The following ADCY5 variants were observed in gnomAD, a reference collection of about 807,000 sequenced individuals.
The protein encoded by ADCY5 is adenylate cyclase 5.
A neutral mutation model predicts 119.7 loss-of-function variants in ADCY5; 30 were observed. That is an observed-to-expected ratio of 0.25 (90% CI 0.19 to 0.34). The LOEUF (loss-of-function observed/expected upper bound fraction) is 0.34. ADCY5 is among the 10% of genes least tolerant of loss of function. The probability of loss-of-function intolerance (pLI) is 1.00; values close to 1 mark genes in which losing one functional copy is unlikely to be tolerated. For synonymous variants in ADCY5, 753 were observed against 762.2 expected (o/e 0.99, Z 0.20); for missense variants, 1,324 against 1,775.2 (o/e 0.75, Z 4.57).
chr3:123,411,895 G>A (rs1041640433), intron 1 of ADCY5, among the ~76,000 whole-genome samples: 1 of 152,120 alleles, frequency 6.6e-6, no homozygotes, highest in Non-Finnish European at 1.5e-5. Context: ...CCCATCCCCT[G>A]CCCCCGCATA....
At chr3:123,351,575 A>C (rs1942838168) in intron 2 of ADCY5, among the ~76,000 whole-genome samples, 1 of 152,120 alleles carries the variant, frequency 6.6e-6, no homozygotes, top group East Asian at 1.9e-4. Context: ...CACAGGAGCT[A>C]GTGGGAGCCC....
chr3:123,320,090 A>G (rs1941140900), intron 9 of ADCY5, among the ~76,000 whole-genome samples: 1 of 152,206 alleles, frequency 6.6e-6, no homozygotes, highest in Non-Finnish European at 1.5e-5. Flanking sequence ...AACATATTAT[A>G]TTAGCATAAC....
intron 12 of ADCY5, among the ~76,000 whole-genome samples, chr3:123,308,784 G>A (rs549327475): frequency 3.9e-5 from 6 of 152,236 alleles, no homozygotes; most frequent in South Asian, 2.1e-4. Flanking sequence ...AGCCGAGATC[G>A]TGCCACTGCA....
intron 1 of ADCY5, among the ~76,000 whole-genome samples, chr3:123,354,357 G>A (rs997649814): frequency 6.6e-6 from 1 of 152,188 alleles, no homozygotes; most frequent in African/African-American, 2.4e-5. Flanking sequence ...CCCAAAGCAT[G>A]AGGGAACAAA....
intron 1 of ADCY5, among the ~76,000 whole-genome samples, chr3:123,358,078 G>A (rs895894593): frequency 2.0e-5 from 3 of 152,156 alleles, no homozygotes; most frequent in Non-Finnish European, 4.4e-5. Context: ...CACAACAGCA[G>A]GTAAACAGGG....
chr3:123,446,911 T>C (rs1945826454), intron 1 of ADCY5, among the ~76,000 whole-genome samples: 2 of 152,160 alleles, frequency 1.3e-5, no homozygotes, highest in Non-Finnish European at 2.9e-5. Flanking sequence ...TCCCCAGCCT[T>C]AGACAGGTGG....
intron 1 of ADCY5, among the ~76,000 whole-genome samples, chr3:123,375,526 C>G (rs1289619814): frequency 1.3e-5 from 2 of 152,238 alleles, no homozygotes; most frequent in Non-Finnish European, 2.9e-5. Context: ...TCCCAGTTCT[C>G]AGAGCAATCT....
At chr3:123,292,918 G>A (rs1158270349) in intron 17 of ADCY5, among the ~76,000 whole-genome samples, 1 of 152,168 alleles carries the variant, frequency 6.6e-6, no homozygotes, top group Non-Finnish European at 1.5e-5. Context: ...GACAGCATCA[G>A]CCCAAAGTGT....
chr3:123,366,632 G>A (rs530007976), intron 1 of ADCY5, among the ~76,000 whole-genome samples: 18 of 152,184 alleles, frequency 1.2e-4, no homozygotes, highest in African/African-American at 3.6e-4. Context: ...TACACACCAC[G>A]AAACTTGGGG....
intron 1 of ADCY5, among the ~76,000 whole-genome samples, chr3:123,408,920 A>G (rs921171073): frequency 1.3e-5 from 2 of 152,098 alleles, no homozygotes; most frequent in African/African-American, 4.8e-5. Context: ...GGTTGCAGTG[A>G]GCCGAGGTCC....
chr3:123,328,613 G>A (rs1290457293), intron 6 of ADCY5, 31 bp downstream of exon 6: 1 of 1,610,388 alleles, frequency 6.2e-7, no homozygotes, highest in East Asian at 2.2e-5. Context: ...ACCCAGGTCG[G>A]GGCCCCAAGC....
At chr3:123,432,003 C>T (rs928155336) in intron 1 of ADCY5, among the ~76,000 whole-genome samples, 3 of 152,130 alleles carry the variant, frequency 2.0e-5, no homozygotes, top group Admixed American at 6.5e-5. Context: ...ACCTGGGCAC[C>T]GGGATTAGGT....
At chr3:123,339,119 C>T (rs1942159743) in intron 3 of ADCY5, among the ~76,000 whole-genome samples, 1 of 152,160 alleles carries the variant, frequency 6.6e-6, no homozygotes, top group East Asian at 1.9e-4. Flanking sequence ...GCTGAAGGTG[C>T]CGGGGAAGTA....
intron 1 of ADCY5, among the ~76,000 whole-genome samples, chr3:123,431,998 G>A (rs1945532186): frequency 6.6e-6 from 1 of 152,090 alleles, no homozygotes; most frequent in African/African-American, 2.4e-5. Flanking sequence ...GACGTACCTG[G>A]GCACCGGGAT....
chr3:123,304,855 T>C (rs1940114611), intron 12 of ADCY5, among the ~76,000 whole-genome samples: 1 of 152,150 alleles, frequency 6.6e-6, no homozygotes, highest in African/African-American at 2.4e-5. Flanking sequence ...TAAGTCCCAT[T>C]TCTGCCACCA....
intron 1 of ADCY5, among the ~76,000 whole-genome samples, chr3:123,408,721 A>T (rs1197750472): frequency 2.0e-5 from 3 of 151,526 alleles, no homozygotes; most frequent in African/African-American, 7.3e-5. Context: ...TCACTCCTGT[A>T]ATCTCAGCAC....
In ADCY5 at chr3:123,296,248, G is replaced by A. The variant is rs115200463; in HGVS notation, c.2931-32C>T. 7.2e-4 allele frequency: 1,148 copies of A among 1,602,630 alleles called. 7 individuals are homozygous for A. In the African/African-American group the frequency reaches 0.013, roughly 19 times the overall value. ...GGAGGTGGTGGACAGGCCTGAGACG[G>A]CCGTGGCTCCTCACAGCGGGCTCTG... On this transcript the variant is annotated intron_variant, in intron 16 of 20. Transcript: ENST00000462833.
At position 123,448,236 on chromosome 3, in the gene ADCY5, GC is replaced by G; in HGVS notation, c.309del (p.Trp103CysfsTer135). 1 of 1,433,406 alleles carries G rather than the reference GC, an allele frequency of 7.0e-7. No individual in the cohort carries two copies. Among genetic ancestry groups the G allele is most frequent in the Non-Finnish European group, 9.1e-7 (1 of 1,095,244 alleles). The allele number at this position is 1,433,406 out of a possible 1,614,324, so 88.8% of individuals were successfully genotyped here. On this transcript the variant is annotated frameshift_variant, in exon 1 of 21. Coordinates refer to ENST00000462833, the MANE Select transcript of ADCY5 (RefSeq NM_183357.3). LOFTEE classifies it high-confidence loss of function. ...FGFSFRSKSA[W>X]QERGGDDCGR... ...CCGCAGTCGTCGCCGCCGCGCTCCTGCCAGGCGGACTTGGAGCGGAAGCTGA... is the reference window on the plus strand; with the variant it reads ...CCGCAGTCGTCGCCGCCGCGCTCCTGCAGGCGGACTTGGAGCGGAAGCTGA...
At chr3:123,369,199 T>C (rs976924345) in intron 1 of ADCY5, among the ~76,000 whole-genome samples, 26 of 152,192 alleles carry the variant, frequency 1.7e-4, no homozygotes, top group African/African-American at 5.6e-4. Flanking sequence ...TGCACACATA[T>C]GCTCTGTTTC....
Sources: gnomAD v4.1 joint callset for allele counts (sites outside exome capture counted in the v4.1 genomes callset) on GRCh38, gnomAD v4.1.1 for gene constraint, MANE v1.5 for transcripts, NCBI Gene and HGNC (gene_info 2026-07-23, HGNC 2026-07-21) for gene names.